TMTC1: variants seen among roughly 807,000 people sequenced by gnomAD.
The protein encoded by TMTC1 is transmembrane O-mannosyltransferase targeting cadherins 1, also known as protein O-mannosyl-transferase TMTC1.
In TMTC1, 73 loss-of-function variants were observed where a neutral mutation model predicts 104.8. The ratio of observed to expected loss-of-function variants is 0.70; its 90% confidence interval spans 0.58 to 0.85. The LOEUF is 0.85. Ranked by LOEUF, TMTC1 falls within the 40% of genes least tolerant of loss-of-function variation. The pLI is 0.00. For synonymous variants in TMTC1, 434 were observed against 428.7 expected (o/e 1.01, Z -0.15); for missense variants, 1,035 against 1,096.1 (o/e 0.94, Z 0.79).
chr12:29,774,327 C>A (rs1943660081), intron 1 of TMTC1, among the ~76,000 whole-genome samples: 1 of 152,128 alleles, frequency 6.6e-6, no homozygotes, highest in South Asian at 2.1e-4. Flanking sequence ...ATACTCAGAA[C>A]AATGAGAGAC....
intron 10 of TMTC1, among the ~76,000 whole-genome samples, chr12:29,544,563 T>G (rs1048213772): frequency 2.6e-5 from 4 of 152,216 alleles, no homozygotes; most frequent in African/African-American, 9.6e-5. Context: ...AGGTCACTGC[T>G]CTGCACCCAG....
chr12:29,655,377 A>G (rs997428875), intron 5 of TMTC1, among the ~76,000 whole-genome samples: 2 of 152,200 alleles, frequency 1.3e-5, no homozygotes, highest in African/African-American at 4.8e-5. Context: ...TTTTTTTCCA[A>G]TGTACTGCAA....
intron 5 of TMTC1, among the ~76,000 whole-genome samples, chr12:29,727,017 G>C (rs389508): frequency 0.35 from 53,379 of 152,032 alleles, 9,987 homozygotes; most frequent in Non-Finnish European, 0.42. Context: ...CTGCTGCTCT[G>C]TCCTGATGAG....
intron 10 of TMTC1, among the ~76,000 whole-genome samples, chr12:29,549,222 A>T (rs913920076): frequency 1.3e-5 from 2 of 151,788 alleles, no homozygotes; most frequent in Non-Finnish European, 2.9e-5. Context: ...CAGCAATAAA[A>T]AGTAATATGT....
intron 7 of TMTC1, among the ~76,000 whole-genome samples, chr12:29,586,604 A>G (rs544873892): frequency 3.6e-4 from 54 of 152,076 alleles, no homozygotes; most frequent in Non-Finnish European, 7.1e-4. Flanking sequence ...TTTGAGATAC[A>G]TCCCATCAAT....
chr12:29,739,537 C>A (rs1942769500), intron 5 of TMTC1, among the ~76,000 whole-genome samples: 1 of 152,098 alleles, frequency 6.6e-6, no homozygotes, highest in Non-Finnish European at 1.5e-5. Flanking sequence ...ATTTGTATGA[C>A]TTCCCCACCA....
At chr12:29,671,095 C>G (rs1299309443) in intron 5 of TMTC1, among the ~76,000 whole-genome samples, 2 of 151,026 alleles carry the variant, frequency 1.3e-5, no homozygotes, top group Non-Finnish European at 2.9e-5. Context: ...GGTGTGAGAC[C>G]AGCCTGACCA....
intron 5 of TMTC1, among the ~76,000 whole-genome samples, chr12:29,735,376 T>C (rs302368): frequency 0.37 from 56,746 of 152,020 alleles, 10,701 homozygotes; most frequent in South Asian, 0.45. Context: ...CTTACTGAAG[T>C]TGCAAAATGC....
At position 29,722,514 on chromosome 12, in the gene TMTC1, T is replaced by C. The variant is rs79391327; in HGVS notation, c.938+29152A>G. ...TAATTGTAGGTCTAAGATGGAACCA[T>C]AGGCAAAAATATAAGCAAAAATTAT... On this transcript the variant is annotated intron_variant, in intron 5 of 17. Coordinates refer to ENST00000539277, the MANE Select transcript of TMTC1 (RefSeq NM_001193451.2). 9.2e-3 allele frequency among the ~76,000 whole-genome samples: 1,397 copies of C among 152,262 alleles called. 17 individuals are homozygous for C. Among genetic ancestry groups the C allele is most frequent in the African/African-American group, 0.031 (1,276 of 41,556 alleles).
At position 29,783,584 on chromosome 12, in the gene TMTC1, C is replaced by A; in HGVS notation, c.168G>T (p.Ala56=). 6.8e-7 allele frequency: 1 copy of A among 1,481,120 alleles called. No homozygotes were observed. Among genetic ancestry groups the A allele is most frequent in the Non-Finnish European group, 8.9e-7 (1 of 1,119,596 alleles). The allele number at this position is 1,481,120 out of a possible 1,614,324, so 91.7% of individuals were successfully genotyped here. The change falls in exon 1 of 18, where the codon GCG becomes GCT. Residue 56 remains alanine, a synonymous_variant. Transcript: ENST00000539277. The surrounding 1 kb of genome is among the most constrained non-coding windows in gnomAD (Gnocchi z 4.7). ...QGEFVHDDVW[A]IVNNPDVRPG... is the part of the protein sequence containing the mutation. ...GCCGCACGTCGGGGTTGTTCACGAT[C>A]GCCCACACGTCGTCGTGCACGAACT...
intron 5 of TMTC1, among the ~76,000 whole-genome samples, chr12:29,731,208 G>GT (rs1370822026): frequency 6.6e-6 from 1 of 152,218 alleles, no homozygotes; most frequent in African/African-American, 2.4e-5. Flanking sequence ...AAAGGCTGGA[G>GT]TGCAGTGGTG....
At chr12:29,773,361 T>C (rs1943637198) in intron 1 of TMTC1, among the ~76,000 whole-genome samples, 1 of 152,134 alleles carries the variant, frequency 6.6e-6, no homozygotes, top group African/African-American at 2.4e-5. Flanking sequence ...GCCTGGAGCT[T>C]AAGATAAACC....
chr12:29,518,488 C>A lies in TMTC1; in HGVS notation c.2008G>T (p.Glu670Ter). 1 of 1,613,606 alleles carries A rather than the reference C, an allele frequency of 6.2e-7. No individual in the cohort carries two copies. The highest frequency in any genetic ancestry group is 2.2e-5 in the East Asian group (1 of 44,880). Residue 670 changes from glutamate (E) to a stop codon, truncating the protein, a stop_gained, in exon 13 of 18, where the codon GAA becomes TAA. Transcript: ENST00000539277. LOFTEE classifies it high-confidence loss of function. ...GAACTTTACCGCTTGTACCATTCTT[C>A]AGCCATGCTGTTCTCTCCCAGTGAC... ...YRSLGENSMA[E>*]EWYKRALQVA...
intron 11 of TMTC1, among the ~76,000 whole-genome samples, chr12:29,528,914 C>CAA (rs371129485): frequency 3.3e-5 from 5 of 150,700 alleles, no homozygotes; most frequent in African/African-American, 1.2e-4. Context: ...ATTTTCAAAG[C>CAA]AAAAAAAATA....
At chr12:29,591,052 T>C (rs900753997) in intron 7 of TMTC1, among the ~76,000 whole-genome samples, 3 of 152,090 alleles carry the variant, frequency 2.0e-5, no homozygotes, top group Non-Finnish European at 4.4e-5. Flanking sequence ...ACATGAAAAA[T>C]GTTAAATCAA....
intron 5 of TMTC1, among the ~76,000 whole-genome samples, chr12:29,654,858 A>G (rs1473262498): frequency 6.6e-6 from 1 of 152,166 alleles, no homozygotes. Context: ...CAGTCACAGA[A>G]TACCACCTAT....
chr12:29,684,894 T>C (rs754712028), intron 5 of TMTC1, among the ~76,000 whole-genome samples: 2 of 152,218 alleles, frequency 1.3e-5, no homozygotes, highest in Non-Finnish European at 2.9e-5. Flanking sequence ...AACTCAATAG[T>C]TAAGTTGAAA....
chr12:29,643,974 AAT>A (rs1401866806), intron 5 of TMTC1, among the ~76,000 whole-genome samples: 7 of 109,782 alleles, frequency 6.4e-5, no homozygotes, highest in South Asian at 2.5e-4. Context: ...CTTACATATA[AAT>A]ATATATAAAT....
chr12:29,548,939 AATATATAATATGTATG>A, intron 10 of TMTC1, among the ~76,000 whole-genome samples: 1 of 144,618 alleles, frequency 6.9e-6, no homozygotes, highest in Non-Finnish European at 1.5e-5. Context: ...ATATGTAAAT[AATATATAATATGTATG>A]ACATATTTAA....
Sources: allele counts gnomAD v4.1 joint callset (sites outside exome capture counted in the v4.1 genomes callset), GRCh38; gene constraint gnomAD v4.1.1; non-coding constraint Gnocchi (gnomAD v3.1); transcripts MANE v1.5; gene names NCBI Gene and HGNC (gene_info 2026-07-23, HGNC 2026-07-21).